SLC27A6: variants seen among roughly 807,000 people sequenced by gnomAD.
SLC27A6 encodes the protein solute carrier family 27 member 6.
Under a neutral mutation model 63.9 loss-of-function variants are expected in SLC27A6, and 74 were observed. The observed-to-expected ratio is 1.16, with a 90% CI of 0.96 to 1.40. The LOEUF (loss-of-function observed/expected upper bound fraction) is 1.40. Ranked by LOEUF, SLC27A6 falls within the 40% of genes most tolerant of loss-of-function variation. SLC27A6 has a pLI of 0.00. For synonymous variants in SLC27A6, 287 were observed against 260.8 expected (o/e 1.10, Z -0.97); for missense variants, 794 against 732.9 (o/e 1.08, Z -0.96).
intron 1 of SLC27A6, among the ~76,000 whole-genome samples, chr5:128,972,257 G>A (rs1205143210): frequency 6.6e-6 from 1 of 152,116 alleles, no homozygotes; most frequent in Non-Finnish European, 1.5e-5. Flanking sequence ...TGCTCTTCTT[G>A]TGGAGTATCT....
Position 129,027,208 on chromosome 5 carries a change from C to T in SLC27A6, c.1331C>T (p.Thr444Ile). 6.2e-7 allele frequency: 1 copy of T among 1,613,404 alleles called. No individual in the cohort carries two copies. Among genetic ancestry groups the T allele is most frequent in the South Asian group, 1.1e-5 (1 of 91,078 alleles). ...GGCTATGCTGGGCCTTATAAGCACACAAAAGACAAATTGCTTTGTGATGTT... is the reference window on the plus strand; with the variant it reads ...GGCTATGCTGGGCCTTATAAGCACATAAAAGACAAATTGCTTTGTGATGTT... Reference protein sequence around the residue: ...FFGYAGPYKHTKDKLLCDVFK... With the variant: ...FFGYAGPYKHIKDKLLCDVFK... Residue 444 changes from threonine (T) to isoleucine (I), a missense_variant, in exon 7 of 10, where the codon ACA (threonine) becomes ATA (isoleucine). Coordinates refer to ENST00000262462, the MANE Select transcript of SLC27A6 (RefSeq NM_001017372.3).
At chr5:129,029,770 G>T (rs760315558) in intron 9 of SLC27A6, 63 bp downstream of exon 9, 125 of 1,396,696 alleles carry the variant, frequency 8.9e-5, no homozygotes, top group Non-Finnish European at 1.1e-4. Context: ...TAGTTTAATT[G>T]CAAAATAATA....
chr5:129,018,244 G>A (rs1751971755), intron 5 of SLC27A6, among the ~76,000 whole-genome samples: 1 of 152,022 alleles, frequency 6.6e-6, no homozygotes, highest in African/African-American at 2.4e-5. Context: ...AACTGCTTTA[G>A]TTTTTTAGGT....
In SLC27A6 at chr5:128,966,255, A is replaced by G. The variant is rs1379506031; in HGVS notation, c.118A>G (p.Ile40Val). Reference sequence around the variant, plus strand: ...CTGGTTCGTGTTGAAGGTGGTGCTCATTATAATTCGGCTGAAGAAGTATGA... The same window carrying G: ...CTGGTTCGTGTTGAAGGTGGTGCTCGTTATAATTCGGCTGAAGAAGTATGA... ...DFWFVLKVVLIIIRLKKYEKR... is the reference protein window; with the variant it reads ...DFWFVLKVVLVIIRLKKYEKR... The change falls in exon 1 of 10, where the codon ATT becomes GTT. Residue 40 changes from isoleucine to valine, a missense_variant. Ile to Val is a conservative substitution (Grantham distance 29). Transcript: ENST00000262462. The G allele has an allele frequency of 3.7e-6, 6 of 1,613,868 alleles. No individual in the cohort carries two copies. The highest frequency in any genetic ancestry group is 5.1e-6 in the Non-Finnish European group (6 of 1,179,864).
intron 4 of SLC27A6, among the ~76,000 whole-genome samples, chr5:128,996,683 A>G (rs1302606369): frequency 1.3e-5 from 2 of 152,130 alleles, no homozygotes; most frequent in Non-Finnish European, 2.9e-5. Context: ...TTAAGAGTTC[A>G]ATTAGAAAGG....
chr5:128,970,628 G>A (rs10073283), intron 1 of SLC27A6, among the ~76,000 whole-genome samples: 54,252 of 151,678 alleles, frequency 0.36, 9,742 homozygotes, highest in Admixed American at 0.39. Flanking sequence ...TTTTTATTGT[G>A]TCTATTTGAC....
chr5:128,993,881 G>A (rs1454173467), intron 4 of SLC27A6, among the ~76,000 whole-genome samples: 3 of 152,084 alleles, frequency 2.0e-5, no homozygotes, highest in African/African-American at 7.2e-5. Context: ...GCCAAGGTGG[G>A]CAGATCACTT....
chr5:128,972,895 T>A (rs1750234268), intron 1 of SLC27A6, among the ~76,000 whole-genome samples: 1 of 152,200 alleles, frequency 6.6e-6, no homozygotes. Context: ...TTTCCTATCT[T>A]TGTGGTTTTA....
At chr5:129,015,207 C>T (rs530320640) in intron 4 of SLC27A6, among the ~76,000 whole-genome samples, 7 of 152,162 alleles carry the variant, frequency 4.6e-5, no homozygotes, top group Non-Finnish European at 1.0e-4. Context: ...TTAGTTAAAA[C>T]ATTACTTACT....
At chr5:128,995,417 C>T (rs1375857547) in intron 4 of SLC27A6, among the ~76,000 whole-genome samples, 1 of 152,128 alleles carries the variant, frequency 6.6e-6, no homozygotes, top group Non-Finnish European at 1.5e-5. Flanking sequence ...TTTATACTCT[C>T]TTTGATGAGG....
At chr5:129,024,113 G>T (rs1041900720) in intron 6 of SLC27A6, among the ~76,000 whole-genome samples, 1 of 151,948 alleles carries the variant, frequency 6.6e-6, no homozygotes, top group Non-Finnish European at 1.5e-5. Flanking sequence ...GGATGACTAG[G>T]TCCACTGTAT....
At chr5:128,968,322 T>C (rs1012955665) in intron 1 of SLC27A6, among the ~76,000 whole-genome samples, 4 of 152,146 alleles carry the variant, frequency 2.6e-5, no homozygotes, top group African/African-American at 4.8e-5. Flanking sequence ...TTCTAGATCC[T>C]TGAGGAATCA....
At chr5:128,983,620 A>C (rs1261444696) in intron 1 of SLC27A6, among the ~76,000 whole-genome samples, 1 of 151,992 alleles carries the variant, frequency 6.6e-6, no homozygotes, top group Non-Finnish European at 1.5e-5. Flanking sequence ...TACATTTAGC[A>C]CCATTATTTT....
At chr5:129,016,146 A>G (rs1751884107) in intron 5 of SLC27A6, 67 bp downstream of exon 5, 2 of 1,146,048 alleles carry the variant, frequency 1.7e-6, no homozygotes, top group Admixed American at 2.5e-5. Context: ...TAATCCCAAC[A>G]CTTTGGGACG....
intron 4 of SLC27A6, among the ~76,000 whole-genome samples, chr5:129,005,643 C>G (rs566285414): frequency 8.4e-6 from 1 of 118,886 alleles, no homozygotes; most frequent in Non-Finnish European, 1.6e-5. Context: ...GACAGAGTCT[C>G]GCTCTGTCGC....
At chr5:128,984,356 A>G (rs957541199) in intron 1 of SLC27A6, among the ~76,000 whole-genome samples, 21 of 151,834 alleles carry the variant, frequency 1.4e-4, no homozygotes, top group African/African-American at 4.8e-4. Context: ...TTTCACCACT[A>G]CTCCTCTCTT....
intron 1 of SLC27A6, among the ~76,000 whole-genome samples, chr5:128,969,746 A>G (rs1486930152): frequency 1.3e-5 from 2 of 152,240 alleles, no homozygotes; most frequent in Non-Finnish European, 2.9e-5. Context: ...CTAATTGAAT[A>G]CCTTTTATTT....
At chr5:129,015,181 A>G (rs1195708052) in intron 4 of SLC27A6, among the ~76,000 whole-genome samples, 1 of 152,176 alleles carries the variant, frequency 6.6e-6, no homozygotes, top group Non-Finnish European at 1.5e-5. Context: ...ATTTTAGGTG[A>G]GTGTAAAAGT....
intron 1 of SLC27A6, among the ~76,000 whole-genome samples, chr5:128,966,977 C>T (rs1395256656): frequency 1.3e-5 from 2 of 152,272 alleles, no homozygotes; most frequent in East Asian, 3.9e-4. Flanking sequence ...CATTGTGACA[C>T]GTCTACCTAC....
Sources: allele counts gnomAD v4.1 joint callset (sites outside exome capture counted in the v4.1 genomes callset), GRCh38; gene constraint gnomAD v4.1.1; transcripts MANE v1.5; gene names NCBI Gene and HGNC (gene_info 2026-07-23, HGNC 2026-07-21).